THTPA: variants seen among roughly 807,000 people sequenced by gnomAD.
The protein encoded by THTPA is thiamine-triphosphatase.
Under a neutral mutation model 16.5 loss-of-function variants are expected in THTPA, and 16 were observed. The ratio of observed to expected loss-of-function variants is 0.97; its 90% CI spans 0.66 to 1.47. The LOEUF is 1.47. Ranked by LOEUF, THTPA falls within the 40% of genes most tolerant of loss-of-function variation. The pLI is 0.00. For missense variants in THTPA, 281 were observed against 280.9 expected, an observed-to-expected ratio of 1.00 and a Z score of 0.00; for synonymous variants, 110 against 115.5, an observed-to-expected ratio of 0.95 and a Z score of 0.30.
the THTPA span, chr14:23,532,421 T>C: frequency 5.1e-6 from 5 of 976,562 alleles, no homozygotes; most frequent in Non-Finnish European, 7.0e-6. Context: ...TTTGTTACCC[T>C]GGTACATATG....
At chr14:23,545,383 G>C in the THTPA span, among the ~76,000 whole-genome samples, 2 of 152,276 alleles carry the variant, frequency 1.3e-5, no homozygotes, top group South Asian at 2.1e-4. Context: ...GAGGGGTCAG[G>C]CTTCCTGTTT....
chr14:23,549,408 T>C, the THTPA span, among the ~76,000 whole-genome samples: 1 of 152,108 alleles, frequency 6.6e-6, no homozygotes, highest in African/African-American at 2.4e-5. Context: ...CTCCTGAGGT[T>C]TGGAAAAACA....
the THTPA span, chr14:23,525,572 T>C: frequency 1.3e-6 from 2 of 1,535,404 alleles, no homozygotes; most frequent in East Asian, 4.9e-5. The surrounding 1 kb of genome is among the most constrained non-coding windows in gnomAD (Gnocchi z 5.9). Flanking sequence ...TTGCTTCCCT[T>C]CATTGTACTG....
At chr14:23,538,400 T>G in the THTPA span, among the ~76,000 whole-genome samples, 1 of 152,000 alleles carries the variant, frequency 6.6e-6, no homozygotes, top group Non-Finnish European at 1.5e-5. Context: ...CTGCAGCGAT[T>G]ATTTTTTTGC....
At chr14:23,541,287 A>AT in the THTPA span, among the ~76,000 whole-genome samples, 3,356 of 130,050 alleles carry the variant, frequency 0.026, 117 homozygotes, top group African/African-American at 0.083. Context: ...GATGGACAGG[A>AT]TTTTTTTTTT....
In THTPA at chr14:23,556,975, T is replaced by C. The variant is rs1882451378; in HGVS notation, c.218T>C (p.Leu73Ser). ...AAATGTCCTGGAGCAGCAGGTGTCT[T>C]AGGACCCCACACGGAGTATAAGGAA... ...ELKCPGAAGV[L>S]GPHTEYKELT... Residue 73 changes from leucine (L) to serine (S), a missense_variant, in exon 1 of 2, where the codon TTA becomes TCA. Physicochemically the swap from Leu to Ser is moderately radical, Grantham distance 145 (BLOSUM62 -2). Coordinates refer to ENST00000288014, the MANE Select transcript of THTPA (RefSeq NM_024328.6). The C allele has an allele frequency of 6.2e-7, 1 of 1,614,030 alleles. No individual in the cohort carries two copies. Among genetic ancestry groups the C allele is most frequent in the South Asian group, 1.1e-5 (1 of 91,074 alleles).
the THTPA span, chr14:23,535,453 G>T: frequency 9.1e-6 from 11 of 1,209,274 alleles, no homozygotes; most frequent in African/African-American, 1.5e-4. The surrounding 1 kb of genome is among the most constrained non-coding windows in gnomAD (Gnocchi z 4.5). Context: ...GGATACTCCT[G>T]CCCCATCCTC....
In THTPA at chr14:23,559,913, T is replaced by C; in HGVS notation, c.*1073T>C. 1.9e-6 allele frequency: 3 copies of C among 1,611,724 alleles called. No homozygotes were observed. Among genetic ancestry groups the C allele is most frequent in the Non-Finnish European group, 2.5e-6 (3 of 1,178,242 alleles). Reference sequence around the variant, plus strand: ...CGGCTTCTTCTATCCCTGGGTCTTGTCTTGGGGGAACTCCTGAAGCTCACC... The same window carrying C: ...CGGCTTCTTCTATCCCTGGGTCTTGCCTTGGGGGAACTCCTGAAGCTCACC... On this transcript the variant is annotated 3_prime_UTR_variant, in exon 2 of 2. Transcript: ENST00000288014.
the THTPA span, chr14:23,534,489 C>G: frequency 3.3e-6 from 5 of 1,536,136 alleles, no homozygotes; most frequent in Middle Eastern, 1.7e-4. The surrounding 1 kb of genome is among the most constrained non-coding windows in gnomAD (Gnocchi z 4.5). Flanking sequence ...CATCTCCCTC[C>G]TGGAGTACAG....
At chr14:23,535,026 C>G in the THTPA span, 1 of 1,536,016 alleles carries the variant, frequency 6.5e-7, no homozygotes, top group Non-Finnish European at 8.7e-7. This position sits in a 1 kb window ranked among gnomAD's most constrained non-coding sequence, Gnocchi z 4.5. Context: ...CTTCTTCTTC[C>G]TCCTCCTGCT....
At chr14:23,555,010 T>C (rs954827718), upstream of THTPA, among the ~76,000 whole-genome samples, 2 of 152,012 alleles carry the variant, frequency 1.3e-5, no homozygotes, top group African/African-American at 4.8e-5. Context: ...TGGGGACAGA[T>C]GGAGTCTCGT....
At chr14:23,541,064 G>C in the THTPA span, among the ~76,000 whole-genome samples, 3 of 151,924 alleles carry the variant, frequency 2.0e-5, no homozygotes. Context: ...ATGCCACCAG[G>C]CCTGGCTAAT....
At chr14:23,534,841 G>C in the THTPA span, 2 of 1,536,160 alleles carry the variant, frequency 1.3e-6, no homozygotes, top group Non-Finnish European at 8.7e-7. The surrounding 1 kb of genome is among the most constrained non-coding windows in gnomAD (Gnocchi z 4.5). Context: ...GTGTGAGGGG[G>C]GTGGGTAGGC....
At chr14:23,531,363 T>C in the THTPA span, 9 of 1,300,462 alleles carry the variant, frequency 6.9e-6, no homozygotes, top group South Asian at 4.6e-5. Flanking sequence ...CCATTTAGTA[T>C]AGGTGGCCTA....
the THTPA span, chr14:23,532,296 C>T: frequency 2.8e-6 from 1 of 361,170 alleles, no homozygotes; most frequent in Non-Finnish European, 4.9e-6. Context: ...GGTGACATGA[C>T]AAACTGAGCT....
the THTPA span, chr14:23,530,684 A>G: frequency 1.2e-5 from 4 of 343,040 alleles, no homozygotes; most frequent in African/African-American, 8.7e-5. Context: ...AGCCTAATTA[A>G]AGTGTTAAAG....
At chr14:23,515,461 ATCTTT>A in the THTPA span, among the ~76,000 whole-genome samples, 1 of 152,174 alleles carries the variant, frequency 6.6e-6, no homozygotes, top group South Asian at 2.1e-4. Flanking sequence ...AGATTTCCAT[ATCTTT>A]GAAATCCATC....
chr14:23,546,104 T>TA, the THTPA span, among the ~76,000 whole-genome samples: 1 of 152,210 alleles, frequency 6.6e-6, no homozygotes. This position sits in a 1 kb window ranked among gnomAD's most constrained non-coding sequence, Gnocchi z 4.7. Context: ...ACACCCATTC[T>TA]GCCCCACTGA....
chr14:23,545,910 G>A, the THTPA span, among the ~76,000 whole-genome samples: 1 of 152,158 alleles, frequency 6.6e-6, no homozygotes, highest in Admixed American at 6.5e-5. Flanking sequence ...TCAGGTCCTC[G>A]GGGAAACACA....
Sources: gnomAD v4.1 joint callset for allele counts (sites outside exome capture counted in the v4.1 genomes callset) on GRCh38, gnomAD v4.1.1 for gene constraint, Gnocchi (gnomAD v3.1) non-coding constraint, MANE v1.5 for transcripts, NCBI Gene and HGNC (gene_info 2026-07-23, HGNC 2026-07-21) for gene names.